Variants in ABCB1 observed in about 807,000 individuals in gnomAD.
The protein encoded by ABCB1 is ATP-dependent translocase ABCB1.
Under a neutral mutation model 142.0 loss-of-function variants are expected in ABCB1, and 69 were observed. The ratio of observed to expected loss-of-function variants is 0.49; its 90% CI spans 0.40 to 0.59. The LOEUF is 0.59. ABCB1 is among the 20% of genes least tolerant of loss of function. The pLI is 0.00. For synonymous variants in ABCB1, 532 were observed against 539.2 expected (o/e 0.99, Z 0.18); for missense variants, 1,326 against 1,554.7 (o/e 0.85, Z 2.47).
chr7:87,516,664 C>G lies in ABCB1; in HGVS notation c.2929G>C (p.Val977Leu). 1 of 1,605,264 alleles carries G rather than the reference C, an allele frequency of 6.2e-7. No individual in the cohort carries two copies. Among genetic ancestry groups the G allele is most frequent in the Non-Finnish European group, 8.5e-7 (1 of 1,176,878 alleles). ...KLMSFEDVLL[V>L]FSAVVFGAMA... ...GCACCAAAGACAACAGCTGAAAATACTCTGGAAAGCACAAACACAAAACAT... is the reference window on the plus strand; with the variant it reads ...GCACCAAAGACAACAGCTGAAAATAGTCTGGAAAGCACAAACACAAAACAT... Residue 977 changes from valine (V) to leucine (L), a missense_variant and splice_region_variant, in exon 24 of 28, where the codon GTA becomes CTA. By Grantham distance (32) the Val-to-Leu change is conservative. Transcript: ENST00000622132.
chr7:87,630,841 A>G (rs1821143494), intron 1 of ABCB1, among the ~76,000 whole-genome samples: 1 of 152,130 alleles, frequency 6.6e-6, no homozygotes, highest in Non-Finnish European at 1.5e-5. Flanking sequence ...GTGTGCCCTT[A>G]TCAGAGACAG....
At chr7:87,542,478 T>C (rs1404378099) in intron 17 of ABCB1, among the ~76,000 whole-genome samples, 5 of 152,238 alleles carry the variant, frequency 3.3e-5, no homozygotes, top group Non-Finnish European at 7.3e-5. Flanking sequence ...GGCAATCCGA[T>C]GCAGAGCCCA....
rs753217589 is a variant in ABCB1 at position 87,550,549 on chromosome 7, A to T, written c.1143T>A (p.Ser381Arg). ...CCTTAATATTATCTGGTTTGTGCCC[A>T]CTCTTCGAATAGCTGTCAATACTTG... ...NKPSIDSYSK[S>R]GHKPDNIKGN... Residue 381 changes from serine to arginine, a missense_variant, in exon 11 of 28, where the codon AGT becomes AGA. Physicochemically the swap from Ser to Arg is moderately radical, Grantham distance 110. Coordinates refer to ENST00000622132, the MANE Select transcript of ABCB1 (RefSeq NM_001348946.2). 1 of 1,613,466 alleles carries T rather than the reference A, an allele frequency of 6.2e-7. No homozygotes were observed. Among genetic ancestry groups the T allele is most frequent in the East Asian group, 2.2e-5 (1 of 44,860 alleles).
At chr7:87,508,079 C>T (rs1814827702) in intron 26 of ABCB1, among the ~76,000 whole-genome samples, 1 of 152,108 alleles carries the variant, frequency 6.6e-6, no homozygotes, top group South Asian at 2.1e-4. Context: ...GAAACCTCAG[C>T]ATCATGCAAT....
chr7:87,597,038 T>C (rs1455480134), intron 2 of ABCB1, among the ~76,000 whole-genome samples: 1 of 152,112 alleles, frequency 6.6e-6, no homozygotes, highest in Non-Finnish European at 1.5e-5. Flanking sequence ...AACAATTCTA[T>C]GAGGAAGACA....
intron 17 of ABCB1, among the ~76,000 whole-genome samples, chr7:87,543,323 T>G (rs2129657082): frequency 1.3e-5 from 2 of 152,246 alleles, no homozygotes; most frequent in Non-Finnish European, 2.9e-5. Context: ...TAAATATATT[T>G]AATATTAAGC....
intron 1 of ABCB1, among the ~76,000 whole-genome samples, chr7:87,665,678 C>A (rs1181708562): frequency 6.6e-6 from 1 of 151,868 alleles, no homozygotes; most frequent in African/African-American, 2.4e-5. Flanking sequence ...GTTTTTGATC[C>A]TCTCCTTCCT....
At chr7:87,636,239 C>G (rs1028092518) in intron 1 of ABCB1, among the ~76,000 whole-genome samples, 1 of 152,110 alleles carries the variant, frequency 6.6e-6, no homozygotes, top group Non-Finnish European at 1.5e-5. Context: ...CTAACTAATG[C>G]TTGACATTTT....
At chr7:87,608,014 T>C (rs1185477626) in intron 1 of ABCB1, among the ~76,000 whole-genome samples, 1 of 152,216 alleles carries the variant, frequency 6.6e-6, no homozygotes, top group Non-Finnish European at 1.5e-5. Context: ...CCAATTTCAA[T>C]GATGCCTGCC....
At chr7:87,575,307 C>T (rs1288808309) in intron 4 of ABCB1, among the ~76,000 whole-genome samples, 1 of 152,148 alleles carries the variant, frequency 6.6e-6, no homozygotes, top group Non-Finnish European at 1.5e-5. Flanking sequence ...AATTGGTAAA[C>T]TGAAATTATA....
intron 26 of ABCB1, among the ~76,000 whole-genome samples, chr7:87,508,284 TCA>T (rs984932497): frequency 1.3e-5 from 2 of 152,184 alleles, no homozygotes; most frequent in Admixed American, 6.5e-5. Context: ...ATGTGACAGG[TCA>T]CAGTCAAAAC....
intron 25 of ABCB1, among the ~76,000 whole-genome samples, chr7:87,513,946 T>C (rs1374753904): frequency 2.6e-5 from 4 of 152,090 alleles, no homozygotes; most frequent in Non-Finnish European, 4.4e-5. Context: ...TTATTTAGAG[T>C]CCTGTTTTTA....
intron 1 of ABCB1, among the ~76,000 whole-genome samples, chr7:87,672,106 A>G (rs1825876933): frequency 6.6e-6 from 1 of 152,126 alleles, no homozygotes; most frequent in Non-Finnish European, 1.5e-5. Context: ...GACAGCAGAG[A>G]TGGCGACCTG....
At chr7:87,636,333 A>G (rs368815937) in intron 1 of ABCB1, among the ~76,000 whole-genome samples, 13 of 152,330 alleles carry the variant, frequency 8.5e-5, no homozygotes, top group East Asian at 5.8e-4. Context: ...TAATGAAGTC[A>G]AGCACCTTTC....
Position 87,539,380 on chromosome 7 carries a change from C to G in ABCB1, c.2320-35G>C, listed in dbSNP as rs28381942. On this transcript the variant is annotated intron_variant, in intron 18 of 27. Transcript: ENST00000622132. The stretch of plus-strand genomic sequence containing the variant: ...GGAACATACCTTGTCAGGGACCCAG[C>G]CACCATTTAAATAAAAGGAGGGAGA... The G allele has an allele frequency of 1.2e-4, 194 of 1,589,244 alleles. No individual in the cohort carries two copies. In the East Asian group the frequency reaches 3.7e-3, roughly 30 times the overall value.
chr7:87,573,957 C>T (rs980776536), intron 4 of ABCB1, among the ~76,000 whole-genome samples: 2 of 152,120 alleles, frequency 1.3e-5, no homozygotes, highest in African/African-American at 2.4e-5. Context: ...CTGAGCATGA[C>T]AGAATATTTT....
intron 1 of ABCB1, among the ~76,000 whole-genome samples, chr7:87,630,304 A>T (rs1306316337): frequency 2.6e-5 from 4 of 152,232 alleles, no homozygotes; most frequent in Admixed American, 2.6e-4. Context: ...TACTTGAATT[A>T]TTACAAATGT....
chr7:87,648,413 A>T (rs912612693), intron 1 of ABCB1, among the ~76,000 whole-genome samples: 4 of 152,110 alleles, frequency 2.6e-5, no homozygotes, highest in Admixed American at 2.0e-4. Context: ...TCCCAGAGGA[A>T]GTGACACTGA....
intron 1 of ABCB1, among the ~76,000 whole-genome samples, chr7:87,665,664 G>C (rs1825154968): frequency 6.6e-6 from 1 of 152,030 alleles, no homozygotes; most frequent in African/African-American, 2.4e-5. Flanking sequence ...GTACGTGAAA[G>C]GTAGTTTTTG....
Sources: allele counts gnomAD v4.1 joint callset (sites outside exome capture counted in the v4.1 genomes callset), GRCh38; gene constraint gnomAD v4.1.1; transcripts MANE v1.5; gene names NCBI Gene and HGNC (gene_info 2026-07-23, HGNC 2026-07-21).